RBFOX1: variants seen among roughly 807,000 people sequenced by gnomAD.
RBFOX1 encodes RNA binding fox-1 homolog 1, also known as RNA binding protein fox-1 homolog 1.
Under a neutral mutation model 57.7 loss-of-function variants are expected in RBFOX1, and 8 were observed. The observed-to-expected ratio is 0.14, with a 90% CI of 0.08 to 0.25. The LOEUF (loss-of-function observed/expected upper bound fraction) is 0.25, where lower values mean the gene tolerates loss of function less well. Ranked by LOEUF, RBFOX1 falls within the 10% of genes least tolerant of loss-of-function variation. The pLI is 1.00. For synonymous variants in RBFOX1, 326 were observed against 222.4 expected (o/e 1.47, Z -4.15); for missense variants, 611 against 548.5 (o/e 1.11, Z -1.14).
At chr16:6,215,906 G>C (rs9928584) in intron 1 of RBFOX1, among the ~76,000 whole-genome samples, 148,081 of 152,164 alleles carry the variant, frequency 0.97, 72,178 homozygotes, top group East Asian at 1. Flanking sequence ...GGTTGCAGTG[G>C]AGTAAAAGGC....
At chr16:5,325,047 C>A (rs1227079359) in intron 1 of RBFOX1, among the ~76,000 whole-genome samples, 1 of 152,136 alleles carries the variant, frequency 6.6e-6, no homozygotes, top group Non-Finnish European at 1.5e-5. Flanking sequence ...TGTGACAAAC[C>A]TGCACATGAG....
intron 13 of RBFOX1, among the ~76,000 whole-genome samples, chr16:7,665,379 G>C (rs1597603182): frequency 6.6e-6 from 1 of 152,046 alleles, no homozygotes; most frequent in Admixed American, 6.5e-5. Context: ...TGCTATTTTT[G>C]ATGTTTTCCC....
At chr16:5,609,702 C>T (rs1175734660) in intron 3 of RBFOX1, among the ~76,000 whole-genome samples, 1 of 152,170 alleles carries the variant, frequency 6.6e-6, no homozygotes, top group Admixed American at 6.5e-5. Context: ...TTTCATGGTC[C>T]TCATGCCTTG....
chr16:6,550,567 G>A (rs1861216), intron 2 of RBFOX1, among the ~76,000 whole-genome samples: 2 of 151,968 alleles, frequency 1.3e-5, no homozygotes, highest in Non-Finnish European at 2.9e-5. Context: ...CTCAAGTGAT[G>A]CACCTGCCTC....
intron 4 of RBFOX1, among the ~76,000 whole-genome samples, chr16:7,424,620 A>G (rs2098590414): frequency 6.6e-6 from 1 of 152,226 alleles, no homozygotes. Flanking sequence ...TGTTTACATC[A>G]TAGCTGTTCA....
intron 1 of RBFOX1, among the ~76,000 whole-genome samples, chr16:6,250,909 C>G (rs1356864032): frequency 2.6e-5 from 4 of 152,090 alleles, no homozygotes; most frequent in Non-Finnish European, 5.9e-5. Context: ...GTCTCTGAAC[C>G]CTTCCATTAG....
At chr16:6,932,820 A>G (rs1008155238) in intron 3 of RBFOX1, among the ~76,000 whole-genome samples, 1 of 152,304 alleles carries the variant, frequency 6.6e-6, no homozygotes, top group African/African-American at 2.4e-5. Context: ...CTGTTGTGTA[A>G]CCATGGCCAC....
chr16:7,152,049 C>G (rs1011376464), intron 4 of RBFOX1, among the ~76,000 whole-genome samples: 13 of 152,154 alleles, frequency 8.5e-5, no homozygotes, highest in African/African-American at 2.4e-4. Context: ...GACCCCTGCT[C>G]TAGAGTATAT....
chr16:5,817,159 G>C (rs1047346114), intron 3 of RBFOX1, among the ~76,000 whole-genome samples: 1 of 152,134 alleles, frequency 6.6e-6, no homozygotes, highest in African/African-American at 2.4e-5. Context: ...GCACTCTTGT[G>C]CACTCTCTCT....
At chr16:6,989,813 A>G (rs926117892) in intron 3 of RBFOX1, among the ~76,000 whole-genome samples, 3 of 152,142 alleles carry the variant, frequency 2.0e-5, no homozygotes, top group South Asian at 2.1e-4. Flanking sequence ...TAGCCTGGCT[A>G]ACATGGTGAA....
intron 1 of RBFOX1, among the ~76,000 whole-genome samples, chr16:6,255,812 G>A (rs1331906358): frequency 6.6e-6 from 1 of 152,036 alleles, no homozygotes; most frequent in Non-Finnish European, 1.5e-5. Flanking sequence ...AACACCGCAT[G>A]TTCTCACTGA....
At chr16:6,583,234 C>T (rs2097562123) in intron 2 of RBFOX1, among the ~76,000 whole-genome samples, 1 of 152,130 alleles carries the variant, frequency 6.6e-6, no homozygotes, top group Non-Finnish European at 1.5e-5. Flanking sequence ...TCACTGTGGT[C>T]CGGGGCACAT....
chr16:5,830,832 C>A (rs1408244698), intron 3 of RBFOX1, among the ~76,000 whole-genome samples: 1 of 152,128 alleles, frequency 6.6e-6, no homozygotes, highest in Non-Finnish European at 1.5e-5. Context: ...AGACTGTGTT[C>A]AGGCTGTTTC....
chr16:5,373,002 T>A (rs565347384), intron 1 of RBFOX1, among the ~76,000 whole-genome samples: 12 of 152,316 alleles, frequency 7.9e-5, no homozygotes, highest in Non-Finnish European at 1.3e-4. Flanking sequence ...CATCTAAACC[T>A]CTAAAGTCTT....
chr16:5,518,667 C>T (rs1421163717), intron 2 of RBFOX1, among the ~76,000 whole-genome samples: 1 of 152,166 alleles, frequency 6.6e-6, no homozygotes, highest in Admixed American at 6.5e-5. Context: ...CTGGTTCTAC[C>T]TCCATTCCTC....
intron 3 of RBFOX1, among the ~76,000 whole-genome samples, chr16:6,774,514 T>C (rs1173926531): frequency 6.6e-6 from 1 of 152,160 alleles, no homozygotes; most frequent in Non-Finnish European, 1.5e-5. Flanking sequence ...AGTCATTGTC[T>C]TACTTCTCTA....
intron 1 of RBFOX1, among the ~76,000 whole-genome samples, chr16:5,428,064 C>G (rs942393480): frequency 6.6e-6 from 1 of 152,106 alleles, no homozygotes; most frequent in Non-Finnish European, 1.5e-5. Context: ...GGCCCTGTCT[C>G]CTGAGGCAAT....
At chr16:7,572,572 G>T (rs1238228842) in intron 5 of RBFOX1, among the ~76,000 whole-genome samples, 2 of 152,192 alleles carry the variant, frequency 1.3e-5, no homozygotes, top group Non-Finnish European at 2.9e-5. Flanking sequence ...GGGCGCGGTG[G>T]CTCACGCCTG....
chr16:6,417,923 T>G (rs2093670158), intron 2 of RBFOX1, among the ~76,000 whole-genome samples: 1 of 152,134 alleles, frequency 6.6e-6, no homozygotes, highest in Non-Finnish European at 1.5e-5. Flanking sequence ...TGTTTTCCCT[T>G]TTGGAAAGTT....
Sources: gnomAD v4.1 joint callset for allele counts (sites outside exome capture counted in the v4.1 genomes callset) on GRCh38, gnomAD v4.1.1 for gene constraint, MANE v1.5 for transcripts, NCBI Gene and HGNC (gene_info 2026-07-23, HGNC 2026-07-21) for gene names.